Variants in VAPA observed in about 807,000 individuals in gnomAD.
VAPA encodes the protein VAMP associated protein A.
VAPA carries 6 observed loss-of-function variants against 25.6 expected under a neutral mutation model. The observed-to-expected ratio is 0.23, with a 90% confidence interval of 0.13 to 0.46. The LOEUF (loss-of-function observed/expected upper bound fraction) is 0.46. Among genes scored for constraint, VAPA ranks in the 20% least tolerant of loss-of-function variants. VAPA has a pLI of 0.99. For missense variants in VAPA, 244 were observed against 302.1 expected (o/e 0.81, Z 1.43); for synonymous variants, 112 against 106.2 (o/e 1.05, Z -0.34).
chr18:9,942,879 C>T (rs569295749), intron 4 of VAPA, among the ~76,000 whole-genome samples: 4 of 152,274 alleles, frequency 2.6e-5, no homozygotes, highest in African/African-American at 9.6e-5. Context: ...CCACCTCCAA[C>T]ACTGGAGATT....
chr18:9,918,885 C>T (rs2069134405), intron 1 of VAPA, among the ~76,000 whole-genome samples: 3 of 152,206 alleles, frequency 2.0e-5, no homozygotes, highest in South Asian at 2.1e-4. Context: ...CATGCCTACT[C>T]TTCTTCCCAT....
At chr18:9,951,008 CT>C (rs961253048) in intron 5 of VAPA, 15 of 148,246 alleles carry the variant, frequency 1.0e-4, no homozygotes, top group Non-Finnish European at 1.6e-4. Flanking sequence ...AAGGTAAAAT[CT>C]TTTTTTTTTA....
intron 5 of VAPA, 81 bp from the exon 6 acceptor site, chr18:9,953,972 G>A (rs568607911): frequency 1.6e-5 from 25 of 1,549,858 alleles, no homozygotes; most frequent in Non-Finnish European, 1.8e-5. Context: ...TCTACTTTCC[G>A]TCCCTATAGA....
chr18:9,934,895 C>A (rs1348689514), intron 2 of VAPA, among the ~76,000 whole-genome samples: 2 of 151,594 alleles, frequency 1.3e-5, no homozygotes, highest in Non-Finnish European at 2.9e-5. Flanking sequence ...GAGATCGAGA[C>A]CATCCTGGAT....
intron 4 of VAPA, among the ~76,000 whole-genome samples, chr18:9,945,676 T>C (rs2069415743): frequency 6.6e-6 from 1 of 152,188 alleles, no homozygotes; most frequent in Admixed American, 6.5e-5. Context: ...CCCACAGTTT[T>C]AACAGATTGT....
At chr18:9,914,428 C>T in intron 1 of VAPA, 93 bp downstream of exon 1, 4 of 1,119,704 alleles carry the variant, frequency 3.6e-6, no homozygotes, top group East Asian at 3.3e-5. Context: ...GCGGCCCTGG[C>T]CCGAGGGAGC....
chr18:9,926,848 C>T (rs1046290926), intron 1 of VAPA, among the ~76,000 whole-genome samples: 6 of 152,054 alleles, frequency 3.9e-5, no homozygotes, highest in Non-Finnish European at 5.9e-5. Context: ...AAAAGATAGC[C>T]TGGGTAAAAA....
chr18:9,928,157 T>C (rs908864878), intron 1 of VAPA, among the ~76,000 whole-genome samples: 12 of 152,128 alleles, frequency 7.9e-5, no homozygotes. Context: ...ATTTCCCTGA[T>C]TTATAGGGAT....
At position 9,914,275 on chromosome 18, in the gene VAPA, G is replaced by C. The variant is rs750689264; in HGVS notation, c.19G>C (p.Ala7Pro). 1.3e-6 allele frequency: 2 copies of C among 1,586,896 alleles called. No individual in the cohort carries two copies. Among genetic ancestry groups the C allele is most frequent in the South Asian group, 2.3e-5 (2 of 88,876 alleles). Residue 7 changes from alanine (A) to proline (P), a missense_variant, in exon 1 of 6, where the codon GCC becomes CCC. Ala to Pro is a conservative substitution (Grantham distance 27). Transcript: ENST00000400000. MASASGAMAKHEQILVL... is the reference protein window; with the variant it reads MASASGPMAKHEQILVL... The stretch of plus-strand genomic sequence containing the variant: ...CTCTCCGATGGCGTCCGCCTCAGGG[G>C]CCATGGCGAAGCACGAGCAGATCCT...
At chr18:9,922,028 A>G (rs1178954940) in intron 1 of VAPA, among the ~76,000 whole-genome samples, 1 of 152,168 alleles carries the variant, frequency 6.6e-6, no homozygotes, top group Non-Finnish European at 1.5e-5. Flanking sequence ...ACCAGACTGA[A>G]GTGCAGTGGT....
At position 9,955,550 on chromosome 18, in the gene VAPA, G is replaced by A. The variant is rs948892823; in HGVS notation, c.*1339G>A. The A allele has an allele frequency of 6.6e-6, 1 of 152,092 alleles. No individual in the cohort carries two copies. The highest frequency in any genetic ancestry group is 2.1e-4 in the South Asian group (1 of 4,826). The allele number at this position is 152,092 out of a possible 1,614,324, so 9.4% of individuals were successfully genotyped here. ...AGTGAATTTTTATTCTTAAACATAG[G>A]TGTGTTGGCTCTTTTTTTAAAAGAT... On this transcript the variant is annotated 3_prime_UTR_variant, in exon 6 of 6. Coordinates refer to ENST00000400000, the MANE Select transcript of VAPA (RefSeq NM_194434.3).
Position 9,927,215 on chromosome 18 carries a change from A to G in VAPA, c.80-4595A>G, listed in dbSNP as rs116252410. 1.7e-3 allele frequency among the ~76,000 whole-genome samples: 253 copies of G among 152,274 alleles called. 1 individual carries two copies. The highest frequency in any genetic ancestry group is 5.8e-3 in the African/African-American group (242 of 41,566). ...GGATGTCTGGACAGGGCAGATAGATATGCTGCAAAGTAAATACAGCAAAAT... is the reference window on the plus strand; with the variant it reads ...GGATGTCTGGACAGGGCAGATAGATGTGCTGCAAAGTAAATACAGCAAAAT... On this transcript the variant is annotated intron_variant, in intron 1 of 5. Coordinates refer to ENST00000400000, the MANE Select transcript of VAPA (RefSeq NM_194434.3).
chr18:9,943,319 A>G (rs767535902), intron 4 of VAPA, among the ~76,000 whole-genome samples: 13 of 152,214 alleles, frequency 8.5e-5, no homozygotes, highest in Non-Finnish European at 1.5e-4. Flanking sequence ...GCCCCAGGAA[A>G]CTTAGGAACC....
At chr18:9,949,892 A>ATTTCTATTC (rs1399482205) in intron 4 of VAPA, 1 of 153,878 alleles carries the variant, frequency 6.5e-6, no homozygotes, top group Non-Finnish European at 1.4e-5. Context: ...TGACAAATTA[A>ATTTCTATTC]TAGAAGTTAG....
In VAPA at chr18:9,954,078, T is replaced by A. The variant is rs771719950; in HGVS notation, c.617T>A (p.Val206Glu). 93 of 1,613,928 alleles carry A rather than the reference T, an allele frequency of 5.8e-5. No individual in the cohort carries two copies. The highest frequency in any genetic ancestry group is 7.5e-5 in the Non-Finnish European group (89 of 1,179,982). Residue 206 changes from valine (V) to glutamate (E), a missense_variant, in exon 6 of 6, where the codon GTA becomes GAA. Val to Glu is a moderately radical substitution (Grantham distance 121). Coordinates refer to ENST00000400000, the MANE Select transcript of VAPA (RefSeq NM_194434.3). ...LRDEGLRLRK[V>E]AHSDKPGSTS... ...GATGAAGGTTTAAGGCTCAGAAAGG[T>A]AGCACATTCGGATAAACCTGGATCA...
chr18:9,953,209 C>T (rs2069508208), intron 5 of VAPA, among the ~76,000 whole-genome samples: 1 of 152,122 alleles, frequency 6.6e-6, no homozygotes, highest in Admixed American at 6.5e-5. Flanking sequence ...CTGTGTGAAG[C>T]CATATCAGCA....
At chr18:9,921,393 T>A (rs1158823768) in intron 1 of VAPA, among the ~76,000 whole-genome samples, 1 of 152,206 alleles carries the variant, frequency 6.6e-6, no homozygotes, top group East Asian at 1.9e-4. Context: ...TTTAAAAGTT[T>A]GTGTGAATAT....
At position 9,942,361 on chromosome 18, in the gene VAPA, A is replaced by G. The variant is rs964838604; in HGVS notation, c.417+5295A>G. Among the ~76,000 whole-genome samples the G allele has an allele frequency of 3.3e-5, 5 of 152,210 alleles. No homozygotes were observed. The South Asian group carries it at 1.0e-3, about 31-fold the overall frequency. ...GTTAGTGTTCAAAGCAGATTCTGCA[A>G]TAGCTATCATAATTGTTGATGCACT... On this transcript the variant is annotated intron_variant, in intron 4 of 5. Transcript: ENST00000400000.
At chr18:9,934,289 G>A (rs1022171880) in intron 2 of VAPA, among the ~76,000 whole-genome samples, 1 of 151,984 alleles carries the variant, frequency 6.6e-6, no homozygotes, top group African/African-American at 2.4e-5. Flanking sequence ...TTTCAAGATC[G>A]TCTTTGTCTT....
Sources: allele counts gnomAD v4.1 joint callset (sites outside exome capture counted in the v4.1 genomes callset), GRCh38; gene constraint gnomAD v4.1.1; transcripts MANE v1.5; gene names NCBI Gene and HGNC (gene_info 2026-07-23, HGNC 2026-07-21).